Variants in SH3BP4 observed in about 807,000 individuals in gnomAD.
SH3BP4 encodes the protein SH3 domain-binding protein 4.
A neutral mutation model predicts 65.5 loss-of-function variants in SH3BP4; 33 were observed. The observed-to-expected ratio is 0.50, with a 90% confidence interval of 0.38 to 0.67. The LOEUF is 0.67. Among genes scored for constraint, SH3BP4 ranks in the 30% least tolerant of loss-of-function variants. The pLI is 0.00. For missense variants in SH3BP4, 1,134 were observed against 1,261.4 expected (o/e 0.90, Z 1.53); for synonymous variants, 552 against 545.5 (o/e 1.01, Z -0.17).
At chr2:234,965,116 A>G (rs1490011346) in intron 1 of SH3BP4, among the ~76,000 whole-genome samples, 1 of 152,176 alleles carries the variant, frequency 6.6e-6, no homozygotes, top group Non-Finnish European at 1.5e-5. Context: ...TACCCAAAAC[A>G]ACACTTCAGA....
intron 1 of SH3BP4, among the ~76,000 whole-genome samples, chr2:234,964,398 C>T (rs1692787035): frequency 6.6e-6 from 1 of 152,184 alleles, no homozygotes; most frequent in African/African-American, 2.4e-5. Context: ...CTGCTGAGCC[C>T]CTCTGCATTC....
Position 235,030,794 on chromosome 2 carries a change from G to A in SH3BP4, c.-132-4077G>A, listed in dbSNP as rs1383789779. Reference sequence around the variant, plus strand: ...ATGCAGTGGTGTCTGGAGGAGCAGAGCTTCCCTTTCAGCCCTCGGTGTGAC... The same window carrying A: ...ATGCAGTGGTGTCTGGAGGAGCAGAACTTCCCTTTCAGCCCTCGGTGTGAC... On this transcript the variant is annotated intron_variant, in intron 2 of 5. Transcript: ENST00000392011. The surrounding 1 kb of genome is among the most constrained non-coding windows in gnomAD (Gnocchi z 4.1). Among the ~76,000 whole-genome samples, 1 of 152,196 alleles carries A rather than the reference G, an allele frequency of 6.6e-6. No homozygotes were observed. The highest frequency in any genetic ancestry group is 1.5e-5 in the Non-Finnish European group (1 of 68,028).
rs373274052 is a variant in SH3BP4 at position 235,043,736 on chromosome 2, G to A, written c.2478+489G>A. ...TAGGTGCGGCTCAGCACAGCCTTTCGCCTTCCCAATATGCGTGGGCGTGGG... is the reference window on the plus strand; with the variant it reads ...TAGGTGCGGCTCAGCACAGCCTTTCACCTTCCCAATATGCGTGGGCGTGGG... On this transcript the variant is annotated intron_variant, in intron 4 of 5. Transcript: ENST00000392011. Among the ~76,000 whole-genome samples the A allele has an allele frequency of 7.7e-5, 11 of 143,410 alleles. No homozygotes were observed. In the South Asian group the frequency reaches 1.9e-3, roughly 24 times the overall value. The allele number at this position is 143,410 out of a possible 152,430, so 94.1% of individuals were successfully genotyped here. A position where few individuals can be genotyped will look rare whatever the true frequency, so the allele number is the denominator to read the frequency against.
Position 234,977,616 on chromosome 2 carries a change from A to C in SH3BP4, c.-206-17687A>C, listed in dbSNP as rs556921055. Among the ~76,000 whole-genome samples the C allele has an allele frequency of 2.3e-4, 35 of 152,190 alleles. No homozygotes were observed. In the South Asian group the frequency reaches 4.8e-3, roughly 21 times the overall value. On this transcript the variant is annotated intron_variant, in intron 1 of 5. Coordinates refer to ENST00000392011, the MANE Select transcript of SH3BP4 (RefSeq NM_014521.3). The surrounding 1 kb of genome is among the most constrained non-coding windows in gnomAD (Gnocchi z 5.1). ...CCAGCCCCCACTAATCCCATTAGCG[A>C]CTTAGGGGTGAGTGGATGGAAAACA...
At chr2:235,009,541 T>C (rs1020140793) in intron 2 of SH3BP4, among the ~76,000 whole-genome samples, 6 of 152,074 alleles carry the variant, frequency 3.9e-5, no homozygotes, top group South Asian at 2.1e-4. Flanking sequence ...GGCTTCTCTG[T>C]TGTGTCTCTT....
intron 2 of SH3BP4, among the ~76,000 whole-genome samples, chr2:235,015,132 TG>T (rs1694649143): frequency 6.6e-6 from 1 of 152,184 alleles, no homozygotes; most frequent in Admixed American, 6.5e-5. Flanking sequence ...ATTTAGTAAT[TG>T]ATCAGTAGTT....
intron 2 of SH3BP4, among the ~76,000 whole-genome samples, chr2:235,004,386 C>T (rs1411756385): frequency 6.6e-6 from 1 of 152,056 alleles, no homozygotes; most frequent in Non-Finnish European, 1.5e-5. Context: ...AAATGAAGTT[C>T]ACATAACATA....
intron 1 of SH3BP4, among the ~76,000 whole-genome samples, chr2:234,955,225 G>A (rs1692559271): frequency 1.3e-5 from 2 of 152,076 alleles, no homozygotes; most frequent in African/African-American, 2.4e-5. Flanking sequence ...CTCAGTGCGC[G>A]GGTCAGCTTT....
At chr2:235,006,748 C>T (rs1040564034) in intron 2 of SH3BP4, among the ~76,000 whole-genome samples, 8 of 152,144 alleles carry the variant, frequency 5.3e-5, no homozygotes, top group African/African-American at 1.2e-4. Flanking sequence ...TACTACTGCA[C>T]GGCTGCCAAG....
intron 4 of SH3BP4, among the ~76,000 whole-genome samples, chr2:235,048,124 G>C (rs904134537): frequency 6.6e-6 from 1 of 152,096 alleles, no homozygotes; most frequent in African/African-American, 2.4e-5. Flanking sequence ...ATTGGATGGG[G>C]TCCTGAGGGA....
chr2:234,978,738 C>G lies in SH3BP4; in HGVS notation c.-206-16565C>G, dbSNP rs1051158025. 1 of 152,150 alleles carries G rather than the reference C, an allele frequency of 6.6e-6. No individual in the cohort carries two copies. Among genetic ancestry groups the G allele is most frequent in the African/African-American group, 2.4e-5 (1 of 41,422 alleles). 9.4% of individuals were successfully genotyped at this position (152,150 alleles called of 1,614,324 possible). ...CAAGCACCCCAACAGTAGGGTGCTT[C>G]GAGGTCCTGGAGGGGAGCCCTGGCC... On this transcript the variant is annotated intron_variant, in intron 1 of 5. Coordinates refer to ENST00000392011, the MANE Select transcript of SH3BP4 (RefSeq NM_014521.3). This position sits in a 1 kb window ranked among gnomAD's most constrained non-coding sequence, Gnocchi z 4.1.
rs2051832856 is a variant in SH3BP4, at chr2:234,974,625, C to T, written c.-206-20678C>T. Among the ~76,000 whole-genome samples, 2 of 152,200 alleles carry T rather than the reference C, an allele frequency of 1.3e-5. No homozygotes were observed. Among genetic ancestry groups the T allele is most frequent in the African/African-American group, 4.8e-5 (2 of 41,462 alleles). On this transcript the variant is annotated intron_variant, in intron 1 of 5. Transcript: ENST00000392011. The surrounding 1 kb of genome is among the most constrained non-coding windows in gnomAD (Gnocchi z 4.6). ...AGGCTGGCGCGGGCCTTCTGGTGCT[C>T]AGGGCCCCCGTTCCCTGGTCTCATT...
In SH3BP4 at chr2:235,016,843, A is replaced by ACCAT. The variant is rs371636264; in HGVS notation, c.-132-18009_-132-18006dup. On this transcript the variant is annotated intron_variant, in intron 2 of 5. Transcript: ENST00000392011. ...ACCCTTCTATCTGTCTGTGCATCCA[A>ACCAT]CCATCCATCCATCCATCCATCCCTT... 4.6e-5 allele frequency among the ~76,000 whole-genome samples: 7 copies of ACCAT among 152,002 alleles called. No individual in the cohort carries two copies. The East Asian group carries it at 5.8e-4, about 13-fold the overall frequency.
intron 1 of SH3BP4, among the ~76,000 whole-genome samples, chr2:234,985,044 G>A (rs962271027): frequency 2.6e-5 from 4 of 152,166 alleles, no homozygotes; most frequent in Admixed American, 2.0e-4. Context: ...CAGCCCTGGG[G>A]GCTATATGTC....
At chr2:234,986,150 C>G (rs1480208407) in intron 1 of SH3BP4, among the ~76,000 whole-genome samples, 3 of 150,830 alleles carry the variant, frequency 2.0e-5, no homozygotes, top group Non-Finnish European at 4.4e-5. Flanking sequence ...TCCACTCACA[C>G]CTATGAGCAC....
At chr2:234,985,164 G>A (rs550806327) in intron 1 of SH3BP4, among the ~76,000 whole-genome samples, 11 of 152,318 alleles carry the variant, frequency 7.2e-5, no homozygotes, top group African/African-American at 2.6e-4. Flanking sequence ...TCTTGACAGC[G>A]CAGCAACAGA....
At position 235,043,020 on chromosome 2, in the gene SH3BP4, C is replaced by A; in HGVS notation, c.2251C>A (p.Leu751Ile). ...GCAGATCCTGCGGCCCTGCAAATTCCTCACGTACATCTATGCCTCCGTGAG... is the reference window on the plus strand; with the variant it reads ...GCAGATCCTGCGGCCCTGCAAATTCATCACGTACATCTATGCCTCCGTGAG... ...LEQILRPCKFLTYIYASVRTL... is the reference protein window; with the variant it reads ...LEQILRPCKFITYIYASVRTL... Residue 751 changes from leucine (L) to isoleucine (I), a missense_variant, in exon 4 of 6, where the codon CTC becomes ATC. Physicochemically the swap from Leu to Ile is conservative, Grantham distance 5 (BLOSUM62 2). Coordinates refer to ENST00000392011, the MANE Select transcript of SH3BP4 (RefSeq NM_014521.3). 1 of 1,609,186 alleles carries A rather than the reference C, an allele frequency of 6.2e-7. No individual in the cohort carries two copies. The highest frequency in any genetic ancestry group is 2.2e-5 in the East Asian group (1 of 44,706).
In SH3BP4 at chr2:235,033,747, T is replaced by G. The variant is rs567598522; in HGVS notation, c.-132-1124T>G. On this transcript the variant is annotated intron_variant, in intron 2 of 5. Transcript: ENST00000392011. This position sits in a 1 kb window ranked among gnomAD's most constrained non-coding sequence, Gnocchi z 5.7. ...AGCCATGCTCACTGCACATGGAGCC[T>G]GGGGGAAGAGTGGGGATGGTCAGGG... 2.0e-5 allele frequency among the ~76,000 whole-genome samples: 3 copies of G among 152,180 alleles called. No individual in the cohort carries two copies. In the South Asian group the frequency reaches 6.2e-4, roughly 32 times the overall value.
chr2:234,992,877 A>G (rs901389320), intron 1 of SH3BP4, among the ~76,000 whole-genome samples: 1 of 148,266 alleles, frequency 6.7e-6, no homozygotes, highest in Non-Finnish European at 1.5e-5. Flanking sequence ...GCACCAGGAG[A>G]TGGACGCGTT....
Sources: allele counts gnomAD v4.1 joint callset (sites outside exome capture counted in the v4.1 genomes callset), GRCh38; gene constraint gnomAD v4.1.1; non-coding constraint Gnocchi (gnomAD v3.1); transcripts MANE v1.5; gene names NCBI Gene and HGNC (gene_info 2026-07-23, HGNC 2026-07-21).